Variants in PTPRD observed in about 807,000 individuals in gnomAD.
The protein encoded by PTPRD is receptor-type tyrosine-protein phosphatase delta.
A neutral mutation model predicts 214.5 loss-of-function variants in PTPRD; 34 were observed. The observed-to-expected ratio is 0.16, with a 90% confidence interval of 0.12 to 0.21. PTPRD has a LOEUF of 0.21. Ranked by LOEUF, PTPRD falls within the 10% of genes least tolerant of loss-of-function variation. The probability of loss-of-function intolerance (pLI) is 1.00; values close to 1 mark genes in which losing one functional copy is unlikely to be tolerated. For synonymous variants in PTPRD, 1,128 were observed against 845.7 expected (o/e 1.33, Z -5.79); for missense variants, 2,545 against 2,398.7 (o/e 1.06, Z -1.27).
intron 4 of PTPRD, among the ~76,000 whole-genome samples, chr9:10,007,215 A>G (rs931957059): frequency 2.0e-5 from 3 of 152,036 alleles, no homozygotes; most frequent in Non-Finnish European, 2.9e-5. Context: ...CCTTTAGTGC[A>G]CTGTCAAGCA....
At chr9:9,333,341 C>G (rs991624357) in intron 9 of PTPRD, among the ~76,000 whole-genome samples, 1 of 151,070 alleles carries the variant, frequency 6.6e-6, no homozygotes, top group Non-Finnish European at 1.5e-5. Flanking sequence ...GCAAAGAATG[C>G]AAACAGGCAC....
At position 9,668,684 on chromosome 9, in the gene PTPRD, T is replaced by G. The variant is rs536211499; in HGVS notation, c.-287+65849A>C. 2.5e-3 allele frequency among the ~76,000 whole-genome samples: 386 copies of G among 152,176 alleles called. 2 individuals carry two copies. The highest frequency in any genetic ancestry group is 8.7e-3 in the African/African-American group (362 of 41,446). On this transcript the variant is annotated intron_variant, in intron 7 of 45. Transcript: ENST00000381196. Reference sequence around the variant, plus strand: ...ATTTGTTAACATTCTAAAGCTACTTTTACCTATTTATTTTTATTATTACTT... The same window carrying G: ...ATTTGTTAACATTCTAAAGCTACTTGTACCTATTTATTTTTATTATTACTT...
intron 8 of PTPRD, among the ~76,000 whole-genome samples, chr9:9,436,158 C>T (rs1172539322): frequency 6.6e-6 from 1 of 152,264 alleles, no homozygotes; most frequent in East Asian, 1.9e-4. Context: ...AATAAAGTTC[C>T]TTCTTCTATT....
chr9:8,334,076 A>T (rs544938140), intron 43 of PTPRD, among the ~76,000 whole-genome samples: 1 of 152,332 alleles, frequency 6.6e-6, no homozygotes, highest in African/African-American at 2.4e-5. Context: ...TTAGACTCCC[A>T]CACAATAATA....
chr9:9,881,357 G>C (rs1427872872), intron 5 of PTPRD, among the ~76,000 whole-genome samples: 2 of 151,932 alleles, frequency 1.3e-5, no homozygotes, highest in Non-Finnish European at 2.9e-5. Context: ...TTACTATTTT[G>C]CCTATCTCAA....
At chr9:8,333,018 A>C (rs1319742337) in intron 43 of PTPRD, among the ~76,000 whole-genome samples, 1 of 150,848 alleles carries the variant, frequency 6.6e-6, no homozygotes, top group Non-Finnish European at 1.5e-5. Context: ...AGAGGATCTC[A>C]GTGTGAGATG....
intron 39 of PTPRD, among the ~76,000 whole-genome samples, chr9:8,359,207 G>GC (rs946349702): frequency 2.7e-4 from 41 of 150,568 alleles, no homozygotes; most frequent in African/African-American, 8.8e-4. Context: ...TCAAAGTGCG[G>GC]CCCCATGACC....
chr9:9,014,359 T>C (rs1441845419), intron 11 of PTPRD, among the ~76,000 whole-genome samples: 1 of 152,124 alleles, frequency 6.6e-6, no homozygotes, highest in African/African-American at 2.4e-5. Flanking sequence ...TCCAAAGATT[T>C]GTCAATAATA....
At chr9:8,339,139 T>G (rs1849865094) in intron 42 of PTPRD, 92 bp from the exon 43 acceptor site, 1 of 1,272,844 alleles carries the variant, frequency 7.9e-7, no homozygotes, top group Non-Finnish European at 1.0e-6. Context: ...TCTAATTTCC[T>G]TATCCCATTA....
At chr9:8,580,799 T>A (rs1214466871) in intron 14 of PTPRD, among the ~76,000 whole-genome samples, 1 of 152,148 alleles carries the variant, frequency 6.6e-6, no homozygotes, top group African/African-American at 2.4e-5. Context: ...CACGCTTATA[T>A]AAACAGCAAA....
At chr9:10,210,858 T>C (rs1027098696) in intron 3 of PTPRD, among the ~76,000 whole-genome samples, 1 of 139,146 alleles carries the variant, frequency 7.2e-6, no homozygotes, top group Non-Finnish European at 1.5e-5. Flanking sequence ...AACCACTTCT[T>C]ACTCTGCTTG....
chr9:10,010,075 AT>A (rs1323408181), intron 4 of PTPRD, among the ~76,000 whole-genome samples: 2 of 151,692 alleles, frequency 1.3e-5, no homozygotes, highest in East Asian at 3.9e-4. Context: ...TTTATTTTTG[AT>A]TTACACATTT....
intron 7 of PTPRD, among the ~76,000 whole-genome samples, chr9:9,599,198 A>G (rs1300981157): frequency 6.6e-6 from 1 of 152,100 alleles, no homozygotes; most frequent in East Asian, 1.9e-4. Flanking sequence ...CATGCTAGGC[A>G]CAATGCTAAA....
chr9:9,706,360 T>C (rs1246372966), intron 7 of PTPRD, among the ~76,000 whole-genome samples: 2 of 152,306 alleles, frequency 1.3e-5, no homozygotes, highest in East Asian at 3.9e-4. Flanking sequence ...CCTTCCAATG[T>C]ATTATCAGAC....
intron 3 of PTPRD, among the ~76,000 whole-genome samples, chr9:10,073,459 C>T (rs945161644): frequency 2.6e-5 from 4 of 152,074 alleles, no homozygotes; most frequent in African/African-American, 4.8e-5. Flanking sequence ...TAATGAAAAA[C>T]GGTATTCTGG....
chr9:8,640,257 A>G (rs1013467336), intron 12 of PTPRD, among the ~76,000 whole-genome samples: 7 of 152,150 alleles, frequency 4.6e-5, no homozygotes, highest in African/African-American at 1.7e-4. Context: ...ATTGACAAGT[A>G]TAAAAATATG....
chr9:8,551,398 T>G (rs2082069684), intron 14 of PTPRD, among the ~76,000 whole-genome samples: 1 of 152,246 alleles, frequency 6.6e-6, no homozygotes, highest in Non-Finnish European at 1.5e-5. Flanking sequence ...TTATTTTTGC[T>G]GTTTTCAACA....
At chr9:9,615,110 T>C (rs1390442216) in intron 7 of PTPRD, among the ~76,000 whole-genome samples, 1 of 152,072 alleles carries the variant, frequency 6.6e-6, no homozygotes, top group African/African-American at 2.4e-5. Context: ...TCAATACTTG[T>C]CCTTTTGTGA....
intron 2 of PTPRD, among the ~76,000 whole-genome samples, chr9:10,525,255 C>T (rs2053884170): frequency 6.6e-6 from 1 of 151,844 alleles, no homozygotes; most frequent in South Asian, 2.1e-4. Flanking sequence ...TCTGAAGAAG[C>T]CCTGCAATAA....
Sources: allele counts gnomAD v4.1 joint callset (sites outside exome capture counted in the v4.1 genomes callset), GRCh38; gene constraint gnomAD v4.1.1; transcripts MANE v1.5; gene names NCBI Gene and HGNC (gene_info 2026-07-23, HGNC 2026-07-21).